The following NKAIN3 variants were observed in gnomAD, a reference collection of about 807,000 sequenced individuals.
NKAIN3 encodes the protein sodium/potassium-transporting ATPase subunit beta-1-interacting protein 3.
Under a neutral mutation model 30.2 loss-of-function variants are expected in NKAIN3, and 25 were observed. That is an observed-to-expected ratio of 0.83 (90% CI 0.60 to 1.16). The LOEUF (loss-of-function observed/expected upper bound fraction) is 1.16, where lower values mean the gene tolerates loss of function less well. NKAIN3 is among the 50% of genes most tolerant of loss of function. The pLI is 0.00. For missense variants in NKAIN3, 225 were observed against 254.1 expected (o/e 0.89, Z 0.78); for synonymous variants, 91 against 89.6 (o/e 1.02, Z -0.09).
intron 4 of NKAIN3, among the ~76,000 whole-genome samples, chr8:62,809,594 A>G (rs915284299): frequency 3.3e-5 from 5 of 152,164 alleles, no homozygotes; most frequent in African/African-American, 1.2e-4. Context: ...TAGGAAAACA[A>G]TTGTATAGGT....
intron 1 of NKAIN3, among the ~76,000 whole-genome samples, chr8:62,452,601 C>T (rs111503868): frequency 3.9e-5 from 6 of 152,188 alleles, no homozygotes; most frequent in African/African-American, 1.4e-4. Context: ...CTCTGGAACA[C>T]AGTAATTATG....
chr8:62,508,078 A>G (rs1807698352), intron 1 of NKAIN3, among the ~76,000 whole-genome samples: 1 of 152,170 alleles, frequency 6.6e-6, no homozygotes, highest in Admixed American at 6.5e-5. Context: ...TGCAGGAAAT[A>G]ATTCTTTATA....
In NKAIN3 at chr8:62,981,357, T is replaced by C. The variant is rs1167202955; in HGVS notation, c.*15950T>C. 1 of 152,176 alleles carries C rather than the reference T, an allele frequency of 6.6e-6. No individual in the cohort carries two copies. The highest frequency in any genetic ancestry group is 2.4e-5 in the African/African-American group (1 of 41,446). The allele number at this position is 152,176 out of a possible 1,614,324, so 9.4% of individuals were successfully genotyped here. ...CCGTGATAACTGTAATAAGAATATGTCTCGTTTTCTTTTAAAGACATAGAT... is the reference window on the plus strand; with the variant it reads ...CCGTGATAACTGTAATAAGAATATGCCTCGTTTTCTTTTAAAGACATAGAT... On this transcript the variant is annotated 3_prime_UTR_variant, in exon 7 of 7. Transcript: ENST00000623646.
chr8:62,401,210 T>TA (rs1803858202), intron 1 of NKAIN3, among the ~76,000 whole-genome samples: 2 of 152,102 alleles, frequency 1.3e-5, no homozygotes, highest in Admixed American at 1.3e-4. Flanking sequence ...ATGCTGCTAT[T>TA]ACAAGACTCT....
chr8:62,862,252 G>C (rs1265152859), intron 4 of NKAIN3, among the ~76,000 whole-genome samples: 2 of 151,730 alleles, frequency 1.3e-5, no homozygotes, highest in African/African-American at 2.4e-5. Flanking sequence ...ATTTCACATA[G>C]ATAGCAGTGT....
intron 3 of NKAIN3, among the ~76,000 whole-genome samples, chr8:62,703,514 A>G (rs750547381): frequency 5.9e-5 from 9 of 152,218 alleles, no homozygotes; most frequent in Non-Finnish European, 1.3e-4. Flanking sequence ...TTAATTACTA[A>G]TTACTTAGAA....
chr8:62,379,049 C>A (rs975261605), intron 1 of NKAIN3, among the ~76,000 whole-genome samples: 3 of 152,170 alleles, frequency 2.0e-5, no homozygotes, highest in African/African-American at 7.2e-5. Flanking sequence ...GCTGTGGGAA[C>A]CTACCTTTTG....
chr8:62,325,855 GT>G (rs1815101559), intron 1 of NKAIN3, among the ~76,000 whole-genome samples: 1 of 151,768 alleles, frequency 6.6e-6, no homozygotes, highest in Non-Finnish European at 1.5e-5. Context: ...TCCTTTGTCT[GT>G]ATTTTGAAGG....
intron 3 of NKAIN3, among the ~76,000 whole-genome samples, chr8:62,733,239 G>A (rs1461473268): frequency 6.6e-6 from 1 of 151,872 alleles, no homozygotes; most frequent in Admixed American, 6.6e-5. Flanking sequence ...ATTCCACCCT[G>A]TTTTTGCCTC....
intron 1 of NKAIN3, among the ~76,000 whole-genome samples, chr8:62,352,220 G>A (rs370850573): frequency 6.6e-6 from 1 of 152,076 alleles, no homozygotes; most frequent in East Asian, 1.9e-4. Context: ...CACTTCTGTC[G>A]ACCTGACTCC....
At chr8:62,995,566 T>G (rs1052370256) in intron 5 of NKAIN3, among the ~76,000 whole-genome samples, 2 of 151,906 alleles carry the variant, frequency 1.3e-5, no homozygotes, top group African/African-American at 2.4e-5. Flanking sequence ...CTGATCTATA[T>G]CATAAATGTC....
chr8:62,297,297 G>A (rs1215964523), intron 1 of NKAIN3, among the ~76,000 whole-genome samples: 1 of 152,092 alleles, frequency 6.6e-6, no homozygotes, highest in African/African-American at 2.4e-5. Context: ...AAAAGCAACG[G>A]CAACAAAAGC....
At chr8:62,927,343 G>A (rs1359059272) in intron 5 of NKAIN3, among the ~76,000 whole-genome samples, 4 of 152,140 alleles carry the variant, frequency 2.6e-5, no homozygotes, top group South Asian at 2.1e-4. Context: ...TTCTCCCCTG[G>A]ATTTCCAGAA....
intron 1 of NKAIN3, among the ~76,000 whole-genome samples, chr8:62,363,565 A>G (rs567586917): frequency 1.3e-4 from 20 of 152,296 alleles, no homozygotes; most frequent in African/African-American, 4.6e-4. Flanking sequence ...CTCTGACAAC[A>G]TATTGTAGAG....
intron 1 of NKAIN3, among the ~76,000 whole-genome samples, chr8:62,388,107 A>G (rs539485774): frequency 6.6e-6 from 1 of 152,326 alleles, no homozygotes; most frequent in African/African-American, 2.4e-5. Flanking sequence ...TTTATTTTAA[A>G]TAGTTACAGG....
At chr8:62,539,132 GTGTTT>G (rs1808760648) in intron 1 of NKAIN3, among the ~76,000 whole-genome samples, 1 of 152,150 alleles carries the variant, frequency 6.6e-6, no homozygotes, top group Non-Finnish European at 1.5e-5. Context: ...GTCCTGAAAC[GTGTTT>G]ATCATTCTCA....
intron 6 of NKAIN3, among the ~76,000 whole-genome samples, chr8:62,963,988 G>A (rs546213806): frequency 1.3e-5 from 2 of 152,192 alleles, no homozygotes; most frequent in Non-Finnish European, 2.9e-5. Context: ...CTGAAGTAGA[G>A]GAAAAGAAGT....
At chr8:62,521,902 C>T (rs1379791732) in intron 1 of NKAIN3, among the ~76,000 whole-genome samples, 3 of 152,062 alleles carry the variant, frequency 2.0e-5, no homozygotes, top group Non-Finnish European at 2.9e-5. Context: ...AATTCTTAAA[C>T]GCTATAATTG....
At chr8:62,508,033 T>C (rs1212936013) in intron 1 of NKAIN3, among the ~76,000 whole-genome samples, 1 of 152,204 alleles carries the variant, frequency 6.6e-6, no homozygotes, top group African/African-American at 2.4e-5. Flanking sequence ...AAGGTAGTGA[T>C]TGGGCTTTCT....
Sources: allele counts gnomAD v4.1 joint callset (sites outside exome capture counted in the v4.1 genomes callset), GRCh38; gene constraint gnomAD v4.1.1; transcripts MANE v1.5; gene names NCBI Gene and HGNC (gene_info 2026-07-23, HGNC 2026-07-21).